Variants in WWTR1 observed in about 807,000 individuals in gnomAD.
The protein encoded by WWTR1 is WW domain-containing transcription regulator protein 1.
WWTR1 carries 13 observed loss-of-function variants against 40.1 expected under a neutral mutation model. The ratio of observed to expected loss-of-function variants is 0.32; its 90% CI spans 0.21 to 0.52. The LOEUF is 0.52. Among genes scored for constraint, WWTR1 ranks in the 20% least tolerant of loss-of-function variants. The probability of loss-of-function intolerance (pLI) is 0.97; values close to 1 mark genes in which losing one functional copy is unlikely to be tolerated. For missense variants in WWTR1, 436 were observed against 523.1 expected, an observed-to-expected ratio of 0.83 and a Z score of 1.63; for synonymous variants, 230 against 210.1, an observed-to-expected ratio of 1.09 and a Z score of -0.82.
intron 1 of WWTR1, chr3:149,702,850 T>C (rs991073474): frequency 6.6e-6 from 1 of 152,220 alleles, no homozygotes; most frequent in Non-Finnish European, 1.5e-5. Context: ...TCTGTTTTGT[T>C]GTGAGACTGG....
chr3:149,680,447 G>T (rs1367890934), intron 1 of WWTR1, among the ~76,000 whole-genome samples: 1 of 152,142 alleles, frequency 6.6e-6, no homozygotes, highest in Non-Finnish European at 1.5e-5. Flanking sequence ...GGGAGGCTGA[G>T]GCAGAAGAAT....
At chr3:149,536,571 G>A (rs1335085069) in intron 4 of WWTR1, among the ~76,000 whole-genome samples, 2 of 152,014 alleles carry the variant, frequency 1.3e-5, no homozygotes, top group African/African-American at 4.8e-5. Flanking sequence ...ATGGCTGTGC[G>A]AGGTCAGCCA....
At chr3:149,640,296 T>C (rs1712092861) in intron 2 of WWTR1, among the ~76,000 whole-genome samples, 2 of 152,236 alleles carry the variant, frequency 1.3e-5, no homozygotes, top group Admixed American at 1.3e-4. Context: ...ATTGAAACTA[T>C]TTATCAGATC....
At chr3:149,589,175 C>G (rs112957529) in intron 2 of WWTR1, among the ~76,000 whole-genome samples, 1 of 152,176 alleles carries the variant, frequency 6.6e-6, no homozygotes, top group Non-Finnish European at 1.5e-5. Context: ...CACCTGTCAG[C>G]CTGGGAGACT....
intron 3 of WWTR1, among the ~76,000 whole-genome samples, chr3:149,562,572 AC>A (rs1442866002): frequency 7.0e-6 from 1 of 142,786 alleles, no homozygotes. Context: ...AATGTTTAGA[AC>A]CTTTTTTTTT....
chr3:149,605,199 G>C (rs561197782), intron 2 of WWTR1, among the ~76,000 whole-genome samples: 1 of 152,168 alleles, frequency 6.6e-6, no homozygotes, highest in South Asian at 2.1e-4. Flanking sequence ...AATGCCAAAC[G>C]AGGAGCTTCA....
chr3:149,569,861 T>C (rs1737535904), intron 3 of WWTR1, among the ~76,000 whole-genome samples: 1 of 152,086 alleles, frequency 6.6e-6, no homozygotes, highest in South Asian at 2.1e-4. Flanking sequence ...TTTTTAAGAG[T>C]TGGGGGTCTC....
At chr3:149,724,651 A>G (rs1209628683) in intron 3 of WWTR1, 2 of 152,276 alleles carry the variant, frequency 1.3e-5, no homozygotes, top group South Asian at 2.1e-4. Context: ...CAAAGACCCT[A>G]TGTTAAGAAC....
rs115717999 is a variant in WWTR1, at chr3:149,682,782, C to T, written c.-107-12891G>A. 5.2e-3 allele frequency among the ~76,000 whole-genome samples: 799 copies of T among 152,252 alleles called. 10 individuals carry two copies. Among genetic ancestry groups the T allele is most frequent in the Non-Finnish European group, 8.9e-3 (607 of 68,020 alleles). ...GCTATTGTATTAAACTGCAGGGAGA[C>T]AGAGATCTCCCCACCCTAGGTAGAA... On this transcript the variant is annotated intron_variant, in intron 1 of 7. Coordinates refer to the WWTR1 transcript ENST00000465804.
At chr3:149,674,568 CAG>C (rs1188006812) in intron 1 of WWTR1, among the ~76,000 whole-genome samples, 1 of 151,062 alleles carries the variant, frequency 6.6e-6, no homozygotes, top group Non-Finnish European at 1.5e-5. Context: ...TCTTGGGTGA[CAG>C]AGAGAGATTC....
chr3:149,702,558 C>T (rs1189815140), intron 1 of WWTR1: 3 of 151,710 alleles, frequency 2.0e-5, no homozygotes, highest in Non-Finnish European at 4.4e-5. Context: ...AATGAGACCA[C>T]GTATGTGAAG....
At chr3:149,540,451 G>A (rs1017772530) in intron 4 of WWTR1, among the ~76,000 whole-genome samples, 3 of 152,076 alleles carry the variant, frequency 2.0e-5, no homozygotes, top group Non-Finnish European at 2.9e-5. Flanking sequence ...AAACAGAGAA[G>A]CAAGTCATTC....
chr3:149,652,809 T>C (rs759353147), intron 2 of WWTR1, among the ~76,000 whole-genome samples: 2 of 152,006 alleles, frequency 1.3e-5, no homozygotes, highest in Non-Finnish European at 2.9e-5. Context: ...AATCAAAACA[T>C]GGTGGTAAAA....
intron 1 of WWTR1, among the ~76,000 whole-genome samples, chr3:149,686,515 T>A (rs1364979218): frequency 6.6e-6 from 1 of 152,036 alleles, no homozygotes; most frequent in Non-Finnish European, 1.5e-5. Context: ...GGGCAATACA[T>A]ACAGCAAGAC....
chr3:149,659,417 CCG>C (rs1713467601), upstream of WWTR1: 1 of 146,632 alleles, frequency 6.8e-6, no homozygotes, highest in Admixed American at 7.1e-5. Flanking sequence ...ACTGCAACCT[CCG>C]CCTCCCGGGT....
chr3:149,564,472 C>T (rs1241417731), intron 3 of WWTR1, among the ~76,000 whole-genome samples: 1 of 150,244 alleles, frequency 6.7e-6, no homozygotes, highest in African/African-American at 2.5e-5. Context: ...AAGGTTCTCC[C>T]CTGTTGTTCT....
upstream of WWTR1, among the ~76,000 whole-genome samples, chr3:149,706,821 A>C (rs1053276658): frequency 1.3e-5 from 2 of 152,242 alleles, no homozygotes; most frequent in East Asian, 3.8e-4. Context: ...AAGAAAAGGA[A>C]GGTCTCAGTG....
chr3:149,716,101 C>T (rs1208965065), intron 5 of WWTR1, among the ~76,000 whole-genome samples: 2 of 151,988 alleles, frequency 1.3e-5, no homozygotes, highest in Admixed American at 1.3e-4. Context: ...AATTGTTCTG[C>T]GCCTGGCGTG....
chr3:149,523,377 T>G (rs1335066999), intron 6 of WWTR1, among the ~76,000 whole-genome samples: 1 of 152,098 alleles, frequency 6.6e-6, no homozygotes, highest in African/African-American at 2.4e-5. Context: ...GCTTCCCGAG[T>G]GGCTGGGATC....
Sources: allele counts gnomAD v4.1 joint callset (sites outside exome capture counted in the v4.1 genomes callset), GRCh38; gene constraint gnomAD v4.1.1; transcripts MANE v1.5; gene names NCBI Gene and HGNC (gene_info 2026-07-23, HGNC 2026-07-21).